Variants in CXCL17 observed in about 807,000 individuals in gnomAD.
CXCL17 encodes C-X-C motif chemokine ligand 17, also known as C-X-C motif chemokine 17.
Under a neutral mutation model 15.5 loss-of-function variants are expected in CXCL17, and 9 were observed. The ratio of observed to expected loss-of-function variants is 0.58; its 90% CI spans 0.35 to 1.01. The LOEUF (loss-of-function observed/expected upper bound fraction) is 1.01. CXCL17 is among the 50% of genes least tolerant of loss of function. The probability of loss-of-function intolerance (pLI) is 0.02; values close to 1 mark genes in which losing one functional copy is unlikely to be tolerated. For missense variants in CXCL17, 133 were observed against 138.2 expected (o/e 0.96, Z 0.19); for synonymous variants, 52 against 52.3 (o/e 0.99, Z 0.02).
At chr19:42,442,569 ACT>A (rs2040904942) in intron 1 of CXCL17, among the ~76,000 whole-genome samples, 183 bp downstream of exon 1, 1 of 151,766 alleles carries the variant, frequency 6.6e-6, no homozygotes, top group Non-Finnish European at 1.5e-5. Context: ...ATCTCGTTTA[ACT>A]CTCTCAACAT....
At chr19:42,431,199 G>A (rs1242399390) in intron 3 of CXCL17, among the ~76,000 whole-genome samples, 1 of 152,194 alleles carries the variant, frequency 6.6e-6, no homozygotes, top group Non-Finnish European at 1.5e-5. Flanking sequence ...CATTGCATCT[G>A]TTTATTAGCT....
chr19:42,437,623 C>G (rs116911735), intron 1 of CXCL17, among the ~76,000 whole-genome samples: 2 of 152,068 alleles, frequency 1.3e-5, no homozygotes, highest in South Asian at 4.2e-4. Context: ...AGTGTCCAGG[C>G]GGGTGTTGAG....
intron 1 of CXCL17, among the ~76,000 whole-genome samples, chr19:42,438,601 A>G (rs1223280056): frequency 6.6e-6 from 1 of 151,462 alleles, no homozygotes; most frequent in Non-Finnish European, 1.5e-5. Context: ...AGCTCTGACC[A>G]CTAGAGGGCC....
intron 1 of CXCL17, among the ~76,000 whole-genome samples, chr19:42,435,294 T>C (rs577796871): frequency 4.8e-4 from 73 of 152,334 alleles, no homozygotes; most frequent in African/African-American, 1.6e-3. Context: ...TGATATTTCC[T>C]GTCAACATGA....
In CXCL17 at chr19:42,442,739, G is replaced by A. The variant is rs1233508555; in HGVS notation, c.79+15C>T. On this transcript the variant is annotated intron_variant, in intron 1 of 3. Coordinates refer to ENST00000601181, the MANE Select transcript of CXCL17 (RefSeq NM_198477.3). ...TTCTCCCCCCGTTTTCCCCTTCATA[G>A]ACAGTCTTGTTTACCTGGATTCAGG... The A allele has an allele frequency of 4.4e-6, 7 of 1,594,934 alleles. No individual in the cohort carries two copies. In the South Asian group the frequency reaches 6.6e-5, roughly 15 times the overall value.
At chr19:42,438,383 T>A (rs199637735) in intron 1 of CXCL17, among the ~76,000 whole-genome samples, 7,495 of 46,164 alleles carry the variant, frequency 0.16, 624 homozygotes, top group African/African-American at 0.19. Context: ...AAAAAAAAAA[T>A]ATATATATAT....
intron 3 of CXCL17, 88 bp from the exon 4 acceptor site, chr19:42,429,069 CCAGGCTGGAGTGCAGTGG>C: frequency 9.5e-7 from 1 of 1,058,106 alleles, no homozygotes; most frequent in East Asian, 2.5e-5. Flanking sequence ...GCTCTATTGC[CCAGGCTGGAGTGCAGTGG>C]CAGGATCTCA....
At chr19:42,432,930 C>A in intron 3 of CXCL17, 46 bp downstream of exon 3, 1 of 1,430,914 alleles carries the variant, frequency 7.0e-7, no homozygotes, top group Admixed American at 1.7e-5. Context: ...CTAGTGATTT[C>A]ACGGAGTGAC....
intron 1 of CXCL17, among the ~76,000 whole-genome samples, chr19:42,440,268 C>G (rs1046241348): frequency 6.6e-6 from 1 of 151,960 alleles, no homozygotes; most frequent in African/African-American, 2.4e-5. Context: ...TTCCTAATGA[C>G]CTCATATATT....
rs921623054 is a variant in CXCL17, at chr19:42,428,713, A to G, written c.*171T>C. On this transcript the variant is annotated 3_prime_UTR_variant, in exon 4 of 4. Coordinates refer to ENST00000601181, the MANE Select transcript of CXCL17 (RefSeq NM_198477.3). ...GACTGACGAGAGAAGAAGACACTAG[A>G]GAGAGCAACAAACAAAATGATCTTG... 6.1e-6 allele frequency: 4 copies of G among 656,284 alleles called. No homozygotes were observed. The Admixed American group carries it at 9.3e-5, about 15-fold the overall frequency. The allele number at this position is 656,284 out of a possible 1,614,324, so 40.7% of individuals were successfully genotyped here.
chr19:42,429,018 A>C, intron 3 of CXCL17, 37 bp from the exon 4 acceptor site: 1 of 1,482,386 alleles, frequency 6.7e-7, no homozygotes, highest in Admixed American at 1.8e-5. Flanking sequence ...TAGTGTTAAA[A>C]CCATTTTTAA....
intron 3 of CXCL17, among the ~76,000 whole-genome samples, chr19:42,429,722 C>T (rs2040757805): frequency 6.6e-6 from 1 of 152,152 alleles, no homozygotes; most frequent in Non-Finnish European, 1.5e-5. Context: ...AAAAGGACTC[C>T]TCCCACCCCA....
chr19:42,442,124 G>GAA (rs2040898098), intron 1 of CXCL17, among the ~76,000 whole-genome samples: 1 of 151,986 alleles, frequency 6.6e-6, no homozygotes, highest in Non-Finnish European at 1.5e-5. Context: ...TGTTGGGGGA[G>GAA]AAGGCATGGG....
At chr19:42,430,835 A>AT (rs1400113296) in intron 3 of CXCL17, among the ~76,000 whole-genome samples, 5 of 150,606 alleles carry the variant, frequency 3.3e-5, no homozygotes, top group East Asian at 3.9e-4. Flanking sequence ...GTCTCTCCCC[A>AT]TTTTTTTTGT....
chr19:42,440,954 G>T (rs2040886130), intron 1 of CXCL17, among the ~76,000 whole-genome samples: 1 of 152,174 alleles, frequency 6.6e-6, no homozygotes, highest in Non-Finnish European at 1.5e-5. Context: ...GTAGGGGAGA[G>T]AGGCCACGCG....
rs1338461942 is a variant in CXCL17, at chr19:42,428,911, C to G, written c.333G>C (p.Gln111His). ...RACQQFLKQC[Q>H]LRSFALPL ...ACAAAGGCAGAGCAAAGCTTCTTAG[C>G]TGACATTGTTTGAGAAATTGCTGGC... is the stretch of plus-strand genomic sequence containing the variant. The change falls in exon 4 of 4, where the codon CAG becomes CAC. Residue 111 changes from glutamine (Q) to histidine (H), a missense_variant. Physicochemically the swap from Gln to His is conservative, Grantham distance 24. Coordinates refer to ENST00000601181, the MANE Select transcript of CXCL17 (RefSeq NM_198477.3). The G allele has an allele frequency of 6.2e-7, 1 of 1,613,984 alleles. No individual in the cohort carries two copies. Among genetic ancestry groups the G allele is most frequent in the Admixed American group, 1.7e-5 (1 of 59,996 alleles).
Position 42,428,618 on chromosome 19 carries a change from G to T in CXCL17, c.*266C>A. 2.8e-6 allele frequency: 1 copy of T among 355,164 alleles called. No homozygotes were observed. The highest frequency in any genetic ancestry group is 7.1e-5 in the South Asian group (1 of 14,126). The allele number at this position is 355,164 out of a possible 1,614,324, so 22.0% of individuals were successfully genotyped here. ...TTTAAGGTTAAATGACACTAGCTAG[G>T]AAGCTACAGTTTCCTGGAATCTTTC... On this transcript the variant is annotated 3_prime_UTR_variant, in exon 4 of 4. Coordinates refer to ENST00000601181, the MANE Select transcript of CXCL17 (RefSeq NM_198477.3).
At position 42,433,800 on chromosome 19, in the gene CXCL17, C is replaced by T. The variant is rs1420098715; in HGVS notation, c.136G>A (p.Gly46Ser). 4 of 1,614,100 alleles carry T rather than the reference C, an allele frequency of 2.5e-6. No homozygotes were observed. Among genetic ancestry groups the T allele is most frequent in the Non-Finnish European group, 3.4e-6 (4 of 1,180,004 alleles). Residue 46 changes from glycine to serine, a missense_variant, in exon 2 of 4, where the codon GGC becomes AGC. Coordinates refer to ENST00000601181, the MANE Select transcript of CXCL17 (RefSeq NM_198477.3). ...GQASRRWLQE[G>S]GQECECKDWF... is the part of the protein sequence containing the mutation. ...CCTTTGCACTCACATTCTTGGCCGC[C>T]TTCCTGGAGCCATCTCCTAGAAGCC...
chr19:42,439,054 G>A (rs1301557244), intron 1 of CXCL17, among the ~76,000 whole-genome samples: 1 of 152,114 alleles, frequency 6.6e-6, no homozygotes, highest in Non-Finnish European at 1.5e-5. Flanking sequence ...AGGAATTAGA[G>A]ACCAGCCTGG....
Sources: gnomAD v4.1 joint callset for allele counts (sites outside exome capture counted in the v4.1 genomes callset) on GRCh38, gnomAD v4.1.1 for gene constraint, MANE v1.5 for transcripts, NCBI Gene and HGNC (gene_info 2026-07-23, HGNC 2026-07-21) for gene names.